The following PEAK1 variants were observed in gnomAD, a reference collection of about 807,000 sequenced individuals.
PEAK1 encodes the protein pseudopodium enriched atypical kinase 1.
Under a neutral mutation model 124.7 loss-of-function variants are expected in PEAK1, and 54 were observed. The observed-to-expected ratio is 0.43, with a 90% CI of 0.35 to 0.54. PEAK1 has a LOEUF of 0.54. Ranked by LOEUF, PEAK1 falls within the 20% of genes least tolerant of loss-of-function variation. The pLI is 0.01. For synonymous variants in PEAK1, 719 were observed against 760.0 expected (o/e 0.95, Z 0.89); for missense variants, 2,046 against 2,134.5 (o/e 0.96, Z 0.82).
chr15:77,277,795 G>C (rs2062414819), intron 5 of PEAK1, among the ~76,000 whole-genome samples: 2 of 152,120 alleles, frequency 1.3e-5, no homozygotes, highest in Non-Finnish European at 2.9e-5. Context: ...ATGACATTCT[G>C]AAAAAGTTAA....
chr15:77,240,416 T>TC (rs1447480449), intron 6 of PEAK1, among the ~76,000 whole-genome samples: 2 of 151,754 alleles, frequency 1.3e-5, no homozygotes, highest in African/African-American at 4.8e-5. Context: ...GCCCAGGAGT[T>TC]CAAGACAAGC....
chr15:77,107,425 C>G (rs2050767137), downstream of PEAK1: 1 of 152,260 alleles, frequency 6.6e-6, no homozygotes, highest in South Asian at 2.1e-4. Flanking sequence ...GCCTTAAAAA[C>G]AGCATCTGCA....
intron 2 of PEAK1, among the ~76,000 whole-genome samples, chr15:77,318,726 T>TTAG (rs2065024395): frequency 6.6e-6 from 1 of 152,020 alleles, no homozygotes; most frequent in Non-Finnish European, 1.5e-5. Flanking sequence ...CTATTCTAAT[T>TTAG]CTCCTTTATG....
intron 2 of PEAK1, among the ~76,000 whole-genome samples, chr15:77,288,181 G>C (rs1039750309): frequency 6.6e-6 from 1 of 151,302 alleles, no homozygotes; most frequent in Admixed American, 6.6e-5. Context: ...TTTATTCAAA[G>C]AATAAATGTC....
chr15:77,297,335 T>C (rs2063535407), intron 2 of PEAK1, among the ~76,000 whole-genome samples: 2 of 151,786 alleles, frequency 1.3e-5, no homozygotes, highest in South Asian at 4.1e-4. Context: ...GCTGAAAATT[T>C]AAAAAATGAA....
chr15:77,291,948 G>A (rs1180983429), intron 2 of PEAK1, among the ~76,000 whole-genome samples: 1 of 144,778 alleles, frequency 6.9e-6, no homozygotes, highest in Non-Finnish European at 1.5e-5. Flanking sequence ...CTGCACTTCA[G>A]CCTGGGCGAC....
At chr15:77,260,252 C>T (rs969862972) in intron 5 of PEAK1, among the ~76,000 whole-genome samples, 4 of 152,134 alleles carry the variant, frequency 2.6e-5, no homozygotes, top group Admixed American at 1.3e-4. Flanking sequence ...ACTGAACAAA[C>T]TAATCTGTAC....
intron 6 of PEAK1, among the ~76,000 whole-genome samples, chr15:77,239,594 ATAAG>A (rs1404558840): frequency 3.3e-5 from 5 of 152,238 alleles, no homozygotes; most frequent in Non-Finnish European, 5.9e-5. Context: ...AATGCTATGT[ATAAG>A]TAAGTAGATG....
chr15:77,276,060 TA>T (rs1177915595), intron 5 of PEAK1, among the ~76,000 whole-genome samples: 25 of 151,816 alleles, frequency 1.6e-4, no homozygotes, highest in Non-Finnish European at 1.9e-4. Flanking sequence ...GTCTGAACAA[TA>T]GGAAGAAAAC....
At chr15:77,419,714 C>G in intron 1 of PEAK1, 1 of 971,118 alleles carries the variant, frequency 1.0e-6, no homozygotes, top group South Asian at 4.8e-5. Context: ...CTCTGGGGGG[C>G]GTCGCGCTCC....
intron 6 of PEAK1, among the ~76,000 whole-genome samples, chr15:77,218,044 G>A (rs968148516): frequency 5.3e-5 from 8 of 152,014 alleles, no homozygotes; most frequent in Admixed American, 2.0e-4. Context: ...ATATGATCAC[G>A]TCATCTGGAA....
At chr15:77,222,358 ATGTT>A (rs898200561) in intron 6 of PEAK1, among the ~76,000 whole-genome samples, 1 of 151,998 alleles carries the variant, frequency 6.6e-6, no homozygotes, top group Non-Finnish European at 1.5e-5. Context: ...AGTGACAAGG[ATGTT>A]TGTTATTAAC....
chr15:77,397,481 C>CA (rs35123944), intron 1 of PEAK1, among the ~76,000 whole-genome samples: 14,637 of 149,630 alleles, frequency 0.098, 776 homozygotes, highest in Admixed American at 0.11. Context: ...AAAATAGAAA[C>CA]AAAAAAAATC....
chr15:77,233,216 A>T (rs2059981429), intron 6 of PEAK1, among the ~76,000 whole-genome samples: 1 of 152,208 alleles, frequency 6.6e-6, no homozygotes. Context: ...AAAACTACTT[A>T]AAAAGAGTGC....
At chr15:77,194,606 A>C (rs2058016430) in intron 6 of PEAK1, among the ~76,000 whole-genome samples, 1 of 152,114 alleles carries the variant, frequency 6.6e-6, no homozygotes, top group East Asian at 1.9e-4. Flanking sequence ...TGGCTTTTGC[A>C]TACCTTACTC....
chr15:77,199,969 T>C (rs546824097), intron 6 of PEAK1, among the ~76,000 whole-genome samples: 4 of 152,346 alleles, frequency 2.6e-5, no homozygotes, highest in African/African-American at 9.6e-5. Flanking sequence ...AGATTGGTAC[T>C]GTATGGAAAC....
At chr15:77,343,658 G>C (rs945055353) in intron 2 of PEAK1, among the ~76,000 whole-genome samples, 41 of 151,732 alleles carry the variant, frequency 2.7e-4, no homozygotes, top group African/African-American at 9.7e-4. Context: ...GCTAATTTTT[G>C]TATTTTTTAT....
intron 6 of PEAK1, among the ~76,000 whole-genome samples, chr15:77,249,929 C>T (rs1475325617): frequency 6.6e-6 from 1 of 151,790 alleles, no homozygotes; most frequent in Non-Finnish European, 1.5e-5. Context: ...TAACACTTAA[C>T]ACTTTAATTT....
intron 5 of PEAK1, among the ~76,000 whole-genome samples, chr15:77,277,042 T>C (rs2062367023): frequency 6.6e-6 from 1 of 152,038 alleles, no homozygotes; most frequent in Non-Finnish European, 1.5e-5. Flanking sequence ...GAGATATACT[T>C]TAAAACACTG....
Sources: allele counts gnomAD v4.1 joint callset (sites outside exome capture counted in the v4.1 genomes callset), GRCh38; gene constraint gnomAD v4.1.1; transcripts MANE v1.5; gene names NCBI Gene and HGNC (gene_info 2026-07-23, HGNC 2026-07-21).